Variants in RASGRF1 observed in about 807,000 individuals in gnomAD.
RASGRF1 encodes Ras protein specific guanine nucleotide releasing factor 1, also known as ras-specific guanine nucleotide-releasing factor 1.
Under a neutral mutation model 138.7 loss-of-function variants are expected in RASGRF1, and 40 were observed. That is an observed-to-expected ratio of 0.29 (90% CI 0.22 to 0.38). RASGRF1 has a LOEUF of 0.38. RASGRF1 is among the 10% of genes least tolerant of loss of function. The pLI is 1.00. For missense variants in RASGRF1, 1,108 were observed against 1,650.4 expected (o/e 0.67, Z 5.69); for synonymous variants, 614 against 663.2 (o/e 0.93, Z 1.14).
chr15:79,058,541 C>A, intron 2 of RASGRF1, 60 bp from the exon 3 acceptor site: 2 of 1,592,678 alleles, frequency 1.3e-6, no homozygotes. Flanking sequence ...GCGAACCAAG[C>A]AGGGCACTGA....
At chr15:78,983,736 T>C (rs1485398949) in intron 23 of RASGRF1, among the ~76,000 whole-genome samples, 1 of 152,254 alleles carries the variant, frequency 6.6e-6, no homozygotes, top group African/African-American at 2.4e-5. Flanking sequence ...CACGAGTTCA[T>C]GACAGCATGT....
rs147352040 is a variant in RASGRF1, at chr15:79,007,502, T to C, written c.1827-1068A>G. ...CATTTCTTTTTATTTACTTCTTTAT[T>C]TTTTGTTTGTCCTTATTACTTACAT... On this transcript the variant is annotated intron_variant, in intron 13 of 26. Transcript: ENST00000558480. 6.6e-3 allele frequency among the ~76,000 whole-genome samples: 997 copies of C among 151,968 alleles called. 10 individuals are homozygous for C. Among genetic ancestry groups the C allele is most frequent in the African/African-American group, 0.023 (950 of 41,450 alleles).
In RASGRF1 at chr15:79,027,278, A is replaced by G. The variant is rs2057073128; in HGVS notation, c.1381+463T>C. Among the ~76,000 whole-genome samples, 1 of 152,126 alleles carries G rather than the reference A, an allele frequency of 6.6e-6. No individual in the cohort carries two copies. Among genetic ancestry groups the G allele is most frequent in the African/African-American group, 2.4e-5 (1 of 41,408 alleles). ...TGGGAAAGACCTTCTACCCATGAGA[A>G]CCACTGTGAAAATGGTCTCTCCAAA... On this transcript the variant is annotated intron_variant, in intron 9 of 26. Coordinates refer to ENST00000558480, the MANE Select transcript of RASGRF1 (RefSeq NM_001145648.3). This position sits in a 1 kb window ranked among gnomAD's most constrained non-coding sequence, Gnocchi z 4.8.
intron 24 of RASGRF1, among the ~76,000 whole-genome samples, chr15:78,975,461 C>T (rs997736964): frequency 6.7e-6 from 1 of 149,718 alleles, no homozygotes; most frequent in Non-Finnish European, 1.5e-5. Context: ...CCTTCCATCC[C>T]TTCCAGTCCA....
At chr15:79,037,721 A>C (rs2057241837) in intron 5 of RASGRF1, among the ~76,000 whole-genome samples, 1 of 152,054 alleles carries the variant, frequency 6.6e-6, no homozygotes, top group South Asian at 2.1e-4. Context: ...GGCCTCTCAA[A>C]GTGCTGGGAT....
In RASGRF1 at chr15:79,064,776, T is replaced by C. The variant is rs1177385143; in HGVS notation, c.277-250A>G. 88 of 471,980 alleles carry C rather than the reference T, an allele frequency of 1.9e-4. No homozygotes were observed. The East Asian group carries it at 3.3e-3, about 18-fold the overall frequency. The allele number at this position is 471,980 out of a possible 1,614,324, so 29.2% of individuals were successfully genotyped here. The stretch of plus-strand genomic sequence containing the variant: ...AGGAAACAAAACACACAAAGCCCTG[T>C]TCAACAACAAATTGCAAAAAAGCCA... On this transcript the variant is annotated intron_variant, in intron 1 of 26. Coordinates refer to ENST00000558480, the MANE Select transcript of RASGRF1 (RefSeq NM_001145648.3).
intron 7 of RASGRF1, among the ~76,000 whole-genome samples, 192 bp from the exon 8 acceptor site, chr15:79,031,701 A>C (rs2057140483): frequency 7.0e-6 from 1 of 142,362 alleles, no homozygotes; most frequent in Non-Finnish European, 1.5e-5. Context: ...GGGGAGAGAG[A>C]GAGAGAGAGC....
rs373775780 is a variant in RASGRF1 at position 79,009,301 on chromosome 15, A to C, written c.1827-2867T>G. ...AGTCAACACTAAAAGTCTCAAAAGG[A>C]AGGTGAGAAACTGTGAAGAAGCAAT... is the stretch of plus-strand genomic sequence containing the variant. On this transcript the variant is annotated intron_variant, in intron 13 of 26. Transcript: ENST00000558480. Among the ~76,000 whole-genome samples the C allele has an allele frequency of 5.9e-5, 9 of 152,340 alleles. No homozygotes were observed. In the East Asian group the frequency reaches 9.6e-4, roughly 16 times the overall value.
rs1178139698 is a variant in RASGRF1, at chr15:79,073,625, C to T, written c.277-9099G>A. On this transcript the variant is annotated intron_variant, in intron 1 of 26. Coordinates refer to ENST00000558480, the MANE Select transcript of RASGRF1 (RefSeq NM_001145648.3). The surrounding 1 kb of genome is among the most constrained non-coding windows in gnomAD (Gnocchi z 4.2). ...ACTGAGGGTGGGAAGCTAGAGGTGG[C>T]GTGTCAGGCTCTGGCTACAGGTGGT... 3.3e-5 allele frequency among the ~76,000 whole-genome samples: 5 copies of T among 152,062 alleles called. No individual in the cohort carries two copies. The highest frequency in any genetic ancestry group is 4.8e-5 in the African/African-American group (2 of 41,386).
intron 24 of RASGRF1, among the ~76,000 whole-genome samples, chr15:78,979,563 G>C (rs1020878545): frequency 1.3e-5 from 2 of 152,226 alleles, no homozygotes; most frequent in Non-Finnish European, 2.9e-5. Context: ...CTCACTCAAG[G>C]AAAGGAGGGT....
At chr15:79,054,182 G>T (rs557661770) in intron 3 of RASGRF1, among the ~76,000 whole-genome samples, 1 of 152,238 alleles carries the variant, frequency 6.6e-6, no homozygotes, top group Non-Finnish European at 1.5e-5. Context: ...GGATGCAGGG[G>T]GAAGATCTTG....
chr15:78,993,448 C>A (rs1043885474), intron 20 of RASGRF1, among the ~76,000 whole-genome samples: 18 of 151,596 alleles, frequency 1.2e-4, no homozygotes, highest in Non-Finnish European at 5.9e-5. Flanking sequence ...CTGCCCTGGG[C>A]AGGGAAGGGT....
At chr15:78,968,376 A>G (rs2055686430) in intron 26 of RASGRF1, among the ~76,000 whole-genome samples, 1 of 151,848 alleles carries the variant, frequency 6.6e-6, no homozygotes, top group African/African-American at 2.4e-5. Flanking sequence ...GGCTCAAGTG[A>G]TCCGCCTGCC....
chr15:79,079,531 G>A (rs746630155), intron 1 of RASGRF1, among the ~76,000 whole-genome samples: 98 of 151,474 alleles, frequency 6.5e-4, no homozygotes, highest in Non-Finnish European at 1.2e-3. Context: ...GGTGATCAAT[G>A]TACTTGCAGA....
rs775435757 is a variant in RASGRF1 at position 79,057,036 on chromosome 15, C to T, written c.531+1298G>A. On this transcript the variant is annotated intron_variant, in intron 3 of 26. Transcript: ENST00000558480. ...TGGATGGGTCCTTGGCTGCTTATTC[C>T]CCACACTCTGGCATCCCAGACCCCA... 3.9e-5 allele frequency among the ~76,000 whole-genome samples: 6 copies of T among 152,172 alleles called. No homozygotes were observed. In the South Asian group the frequency reaches 1.0e-3, roughly 26 times the overall value.
intron 13 of RASGRF1, among the ~76,000 whole-genome samples, chr15:79,012,781 C>G (rs1390438248): frequency 6.6e-6 from 1 of 152,200 alleles, no homozygotes; most frequent in Non-Finnish European, 1.5e-5. Context: ...CTCCTAGGCT[C>G]AAGTGATGCT....
At chr15:78,972,438 C>T (rs868054904) in intron 25 of RASGRF1, among the ~76,000 whole-genome samples, 18 of 151,108 alleles carry the variant, frequency 1.2e-4, no homozygotes, top group South Asian at 4.2e-4. Flanking sequence ...AAATCTGCTT[C>T]CAAGACTTGT....
Position 79,050,776 on chromosome 15 carries a change from C to T in RASGRF1, c.532-1188G>A, listed in dbSNP as rs143839049. On this transcript the variant is annotated intron_variant, in intron 3 of 26. Transcript: ENST00000558480. The surrounding 1 kb of genome is among the most constrained non-coding windows in gnomAD (Gnocchi z 4.1). ...GACAGGCCAGTGGTGTATCCTCCTG[C>T]GCAGGGCTCGTCCAACCACTCCAAT... is the stretch of plus-strand genomic sequence containing the variant. 4.4e-4 allele frequency among the ~76,000 whole-genome samples: 67 copies of T among 152,324 alleles called. No individual in the cohort carries two copies. Among genetic ancestry groups the T allele is most frequent in the African/African-American group, 1.5e-3 (64 of 41,578 alleles).
chr15:79,034,571 A>G (rs2057191608), intron 6 of RASGRF1, among the ~76,000 whole-genome samples: 1 of 152,194 alleles, frequency 6.6e-6, no homozygotes, highest in African/African-American at 2.4e-5. Flanking sequence ...CAACCATAGC[A>G]GATGGTTAGA....
Sources: gnomAD v4.1 joint callset for allele counts (sites outside exome capture counted in the v4.1 genomes callset) on GRCh38, gnomAD v4.1.1 for gene constraint, Gnocchi (gnomAD v3.1) non-coding constraint, MANE v1.5 for transcripts, NCBI Gene and HGNC (gene_info 2026-07-23, HGNC 2026-07-21) for gene names.